The following USP6NL variants were observed in gnomAD, a reference collection of about 807,000 sequenced individuals.
USP6NL encodes the protein USP6 N-terminal-like protein.
Under a neutral mutation model 61.9 loss-of-function variants are expected in USP6NL, and 26 were observed. That is an observed-to-expected ratio of 0.42 (90% CI 0.31 to 0.58). USP6NL has a LOEUF of 0.58. USP6NL is among the 20% of genes least tolerant of loss of function. The pLI, the probability that USP6NL is intolerant of heterozygous loss-of-function variation, is 0.16. For missense variants in USP6NL, 1,114 were observed against 1,034.3 expected (o/e 1.08, Z -1.06); for synonymous variants, 432 against 390.1 (o/e 1.11, Z -1.27).
rs17536733 is a variant in USP6NL, at chr10:11,510,200, T to G, written c.196-525A>C. ...GTACTAGTTGCTGCCCTAAAGAAAT[T>G]TGACCAGGTGCTAAGGACAATGGAC... On this transcript the variant is annotated intron_variant, in intron 5 of 14. Transcript: ENST00000609104. This position sits in a 1 kb window ranked among gnomAD's most constrained non-coding sequence, Gnocchi z 4.8. Among the ~76,000 whole-genome samples the G allele has an allele frequency of 4.6e-5, 7 of 152,058 alleles. No homozygotes were observed. The highest frequency in any genetic ancestry group is 1.4e-4 in the African/African-American group (6 of 41,416).
At chr10:11,493,399 C>T (rs1004571622) in intron 7 of USP6NL, among the ~76,000 whole-genome samples, 171 bp from the exon 8 acceptor site, 2 of 152,090 alleles carry the variant, frequency 1.3e-5, no homozygotes, top group African/African-American at 4.8e-5. Context: ...ACTTTCCCTC[C>T]CCTCCATTCC....
intron 2 of USP6NL, among the ~76,000 whole-genome samples, chr10:11,547,546 T>TA (rs1836315990): frequency 6.6e-6 from 1 of 151,424 alleles, no homozygotes; most frequent in African/African-American, 2.4e-5. Context: ...TTAAAACTTT[T>TA]TTTTTTTTTT....
At chr10:11,547,883 G>A (rs1018866929) in intron 2 of USP6NL, among the ~76,000 whole-genome samples, 1 of 152,140 alleles carries the variant, frequency 6.6e-6, no homozygotes, top group African/African-American at 2.4e-5. Context: ...TTTGTTAGGA[G>A]TAAAGTCTTG....
Position 11,478,157 on chromosome 10 carries a change from A to C in USP6NL, c.1078+3613T>G, listed in dbSNP as rs933369707. ...TCAACTTGCAATAGCAATAAAAGAT[A>C]CAACTATCCCCCATAGGACGTGGCA... On this transcript the variant is annotated intron_variant, in intron 14 of 14. Coordinates refer to ENST00000609104, the MANE Select transcript of USP6NL (RefSeq NM_014688.5). This position sits in a 1 kb window ranked among gnomAD's most constrained non-coding sequence, Gnocchi z 6.8. Among the ~76,000 whole-genome samples, 4 of 152,276 alleles carry C rather than the reference A, an allele frequency of 2.6e-5. No homozygotes were observed. The highest frequency in any genetic ancestry group is 5.9e-5 in the Non-Finnish European group (4 of 68,046).
intron 10 of USP6NL, among the ~76,000 whole-genome samples, chr10:11,486,913 G>A (rs2133246660): frequency 6.6e-6 from 1 of 152,138 alleles, no homozygotes; most frequent in African/African-American, 2.4e-5. Flanking sequence ...ATGCTATTGG[G>A]CAATGGTGCT....
rs1491161166 is a variant in USP6NL at position 11,460,617 on chromosome 10, T to TA, written c.*1823_*1824insT. On this transcript the variant is annotated 3_prime_UTR_variant, in exon 15 of 15. Transcript: ENST00000609104. ...AATAGTGCTTGTGTGTATATATATATTTTTTGCATATATATATATATATAT... is the reference window on the plus strand; with the variant it reads ...AATAGTGCTTGTGTGTATATATATATATTTTTGCATATATATATATATATAT... 2 of 122,710 alleles carry TA rather than the reference T, an allele frequency of 1.6e-5. No homozygotes were observed. Among genetic ancestry groups the TA allele is most frequent in the Admixed American group, 9.4e-5 (1 of 10,626 alleles). The allele number at this position is 122,710 out of a possible 1,614,324, so 7.6% of individuals were successfully genotyped here. A position where few individuals can be genotyped will look rare whatever the true frequency, so the allele number is the denominator to read the frequency against.
chr10:11,558,612 A>G (rs1430936025), intron 2 of USP6NL, among the ~76,000 whole-genome samples: 2 of 152,112 alleles, frequency 1.3e-5, no homozygotes, highest in Non-Finnish European at 2.9e-5. Flanking sequence ...CCCATAATCA[A>G]ACCACACTGG....
chr10:11,515,256 T>A (rs1215184537), intron 5 of USP6NL, among the ~76,000 whole-genome samples: 1 of 152,222 alleles, frequency 6.6e-6, no homozygotes, highest in African/African-American at 2.4e-5. Flanking sequence ...TTAACATGGC[T>A]AATAATTCAG....
Position 11,534,734 on chromosome 10 carries a change from G to A in USP6NL, c.5-7167C>T, listed in dbSNP as rs565763270. On this transcript the variant is annotated intron_variant, in intron 2 of 14. Coordinates refer to ENST00000609104, the MANE Select transcript of USP6NL (RefSeq NM_014688.5). ...TTCATCTGATCTTGACATCTTCAAC[G>A]TTAGGGATTATGTTTCCTTCCCTAC... 4.6e-5 allele frequency among the ~76,000 whole-genome samples: 7 copies of A among 152,014 alleles called. No individual in the cohort carries two copies. In the South Asian group the frequency reaches 6.2e-4, roughly 14 times the overall value.
At position 11,487,637 on chromosome 10, in the gene USP6NL, A is replaced by C. The variant is rs946122058; in HGVS notation, c.664+1465T>G. Among the ~76,000 whole-genome samples the C allele has an allele frequency of 4.2e-4, 64 of 152,220 alleles. No homozygotes were observed. The highest frequency in any genetic ancestry group is 3.4e-3 in the Middle Eastern group (1 of 294). On this transcript the variant is annotated intron_variant, in intron 10 of 14. Coordinates refer to ENST00000609104, the MANE Select transcript of USP6NL (RefSeq NM_014688.5). The surrounding 1 kb of genome is among the most constrained non-coding windows in gnomAD (Gnocchi z 4.2). Reference sequence around the variant, plus strand: ...CGGCTTTCTTCAAGATGCCTTTTGGAATGATACTGCCTACTGGATGGCAAC... The same window carrying C: ...CGGCTTTCTTCAAGATGCCTTTTGGCATGATACTGCCTACTGGATGGCAAC...
rs1177091458 is a variant in USP6NL, at chr10:11,511,096, A to C, written c.196-1421T>G. 6.6e-6 allele frequency among the ~76,000 whole-genome samples: 1 copy of C among 152,264 alleles called. No individual in the cohort carries two copies. The highest frequency in any genetic ancestry group is 1.9e-4 in the East Asian group (1 of 5,202). On this transcript the variant is annotated intron_variant, in intron 5 of 14. Coordinates refer to ENST00000609104, the MANE Select transcript of USP6NL (RefSeq NM_014688.5). The surrounding 1 kb of genome is among the most constrained non-coding windows in gnomAD (Gnocchi z 4.9). ...TTCCAAAGAAAATCCTGAATTTAGGAAAAGTTATCTCACCAATGAGAATAT... is the reference window on the plus strand; with the variant it reads ...TTCCAAAGAAAATCCTGAATTTAGGCAAAGTTATCTCACCAATGAGAATAT...
chr10:11,554,706 A>G (rs1836612197), intron 2 of USP6NL, among the ~76,000 whole-genome samples: 1 of 151,840 alleles, frequency 6.6e-6, no homozygotes, highest in South Asian at 2.1e-4. Flanking sequence ...GTACTATCTG[A>G]TATCCAAGAA....
chr10:11,609,537 T>C (rs1838812231), intron 1 of USP6NL, among the ~76,000 whole-genome samples: 1 of 152,238 alleles, frequency 6.6e-6, no homozygotes, highest in African/African-American at 2.4e-5. Flanking sequence ...CTACCTCAAG[T>C]GGCAATTCCC....
chr10:11,503,266 T>C (rs968985131), intron 6 of USP6NL, among the ~76,000 whole-genome samples: 1 of 152,236 alleles, frequency 6.6e-6, no homozygotes, highest in Non-Finnish European at 1.5e-5. Flanking sequence ...ATGACATTTT[T>C]AATGAGTAAC....
chr10:11,469,288 G>A (rs1832621849), intron 14 of USP6NL, among the ~76,000 whole-genome samples: 1 of 152,156 alleles, frequency 6.6e-6, no homozygotes, highest in South Asian at 2.1e-4. Flanking sequence ...GTATCTAAAA[G>A]CATAATACAA....
In USP6NL at chr10:11,468,725, T is replaced by G. The variant is rs915377385; in HGVS notation, c.1079-4876A>C. ...CATGGTCTATTCCTATGTTGTGATA[T>G]TCACAGATTTTCATTCTGGAATCCT... On this transcript the variant is annotated intron_variant, in intron 14 of 14. Coordinates refer to ENST00000609104, the MANE Select transcript of USP6NL (RefSeq NM_014688.5). The surrounding 1 kb of genome is among the most constrained non-coding windows in gnomAD (Gnocchi z 4.5). Among the ~76,000 whole-genome samples, 1 of 152,244 alleles carries G rather than the reference T, an allele frequency of 6.6e-6. No homozygotes were observed. The highest frequency in any genetic ancestry group is 6.5e-5 in the Admixed American group (1 of 15,280).
At chr10:11,493,345 T>A in intron 7 of USP6NL, 117 bp from the exon 8 acceptor site, 1 of 822,114 alleles carries the variant, frequency 1.2e-6, no homozygotes, top group Non-Finnish European at 1.9e-6. Flanking sequence ...ACTCAATGGT[T>A]AAAAAAAATC....
chr10:11,502,417 T>C (rs1834241297), intron 6 of USP6NL, among the ~76,000 whole-genome samples: 1 of 152,192 alleles, frequency 6.6e-6, no homozygotes, highest in Non-Finnish European at 1.5e-5. Context: ...TAAAACCTAT[T>C]ACGGTCATCA....
chr10:11,532,286 A>C lies in USP6NL; in HGVS notation c.5-4719T>G. On this transcript the variant is annotated intron_variant, in intron 2 of 14. Coordinates refer to ENST00000609104, the MANE Select transcript of USP6NL (RefSeq NM_014688.5). The surrounding 1 kb of genome is among the most constrained non-coding windows in gnomAD (Gnocchi z 4.1). ...TTATTATTTTATAGTTCTCGAACAC[A>C]CCAAGAGTGCTGCCCGGCGGTACCT... 6.7e-7 allele frequency: 1 copy of C among 1,491,382 alleles called. No homozygotes were observed. The highest frequency in any genetic ancestry group is 9.0e-7 in the Non-Finnish European group (1 of 1,105,622). The allele number at this position is 1,491,382 out of a possible 1,614,324, so 92.4% of individuals were successfully genotyped here. A position where few individuals can be genotyped will look rare whatever the true frequency, so the allele number is the denominator to read the frequency against.
Sources: allele counts gnomAD v4.1 joint callset (sites outside exome capture counted in the v4.1 genomes callset), GRCh38; gene constraint gnomAD v4.1.1; non-coding constraint Gnocchi (gnomAD v3.1); transcripts MANE v1.5; gene names NCBI Gene and HGNC (gene_info 2026-07-23, HGNC 2026-07-21).